SPINK13: variants seen among roughly 807,000 people sequenced by gnomAD.
SPINK13 encodes serine peptidase inhibitor Kazal type 13, also known as serine protease inhibitor Kazal-type 13.
SPINK13 carries 11 observed loss-of-function variants against 11.0 expected under a neutral mutation model. The observed-to-expected ratio is 1.00, with a 90% CI of 0.63 to 1.65. The LOEUF (loss-of-function observed/expected upper bound fraction) is 1.65, where lower values mean the gene tolerates loss of function less well. SPINK13 is among the 40% of genes most tolerant of loss of function. The pLI, the probability that SPINK13 is intolerant of heterozygous loss-of-function variation, is 0.00. For synonymous variants in SPINK13, 31 were observed against 35.6 expected (o/e 0.87, Z 0.46); for missense variants, 113 against 117.7 (o/e 0.96, Z 0.19).
chr5:148,274,608 G>A (rs1363244461), intron 3 of SPINK13, among the ~76,000 whole-genome samples: 1 of 152,152 alleles, frequency 6.6e-6, no homozygotes, highest in Non-Finnish European at 1.5e-5. Context: ...TTAGCCAGGT[G>A]TGGTGGGGCA....
rs554416659 is a variant in SPINK13, at chr5:148,286,017, T to C, written c.254T>C (p.Ile85Thr). ...CVEQREFHYR[I>T]KFEKYGKCD ...CTCTTTAGGGAATTTCATTATCGTA[T>C]AAAATTTGAAAAATATGGAAAATGT... The change falls in exon 5 of 5, where the codon ATA (isoleucine) becomes ACA (threonine). Residue 85 changes from isoleucine to threonine, a missense_variant. Coordinates refer to ENST00000398450, the MANE Select transcript of SPINK13 (RefSeq NM_001040129.3). The C allele has an allele frequency of 2.2e-5, 32 of 1,470,272 alleles. 1 individual carries two copies. In the South Asian group the frequency reaches 3.6e-4, roughly 17 times the overall value. The allele number at this position is 1,470,272 out of a possible 1,614,324, so 91.1% of individuals were successfully genotyped here.
chr5:148,280,856 G>T (rs961183859), intron 3 of SPINK13, among the ~76,000 whole-genome samples: 2 of 152,188 alleles, frequency 1.3e-5, no homozygotes, highest in East Asian at 1.9e-4. Flanking sequence ...AGGCAGGAAC[G>T]TTTAAGTCTG....
rs375222774 is a variant in SPINK13 at position 148,277,073 on chromosome 5, T to C, written c.108+2689T>C. Reference sequence around the variant, plus strand: ...GGAGTTCACTCATGATTTGGCTCTCTGTTTGCCTATTATTGGTGTATAGGA... The same window carrying C: ...GGAGTTCACTCATGATTTGGCTCTCCGTTTGCCTATTATTGGTGTATAGGA... On this transcript the variant is annotated intron_variant, in intron 3 of 4. Transcript: ENST00000398450. 4.6e-5 allele frequency among the ~76,000 whole-genome samples: 7 copies of C among 152,334 alleles called. No individual in the cohort carries two copies. In the South Asian group the frequency reaches 1.0e-3, roughly 23 times the overall value.
At chr5:148,282,349 C>A (rs1756529179) in intron 4 of SPINK13, 118 bp downstream of exon 4, 1 of 1,250,380 alleles carries the variant, frequency 8.0e-7, no homozygotes, top group Non-Finnish European at 1.1e-6. Flanking sequence ...AAAATAGCCT[C>A]ATTATTTACA....
chr5:148,271,562 A>G (rs773683710), intron 2 of SPINK13, among the ~76,000 whole-genome samples: 17 of 152,128 alleles, frequency 1.1e-4, no homozygotes, highest in Non-Finnish European at 2.2e-4. Flanking sequence ...TCTTTTATTT[A>G]TACACATCAT....
chr5:148,270,110 T>C lies in SPINK13; in HGVS notation c.38T>C (p.Val13Ala), dbSNP rs911200634. ...CCCCACAAGATTATATTTTTCCTGGTATGCTCTACTTTGACACATGTGGCT... is the reference window on the plus strand; with the variant it reads ...CCCCACAAGATTATATTTTTCCTGGCATGCTCTACTTTGACACATGTGGCT... ...AFPHKIIFFL[V>A]CSTLTHVAFS... The change falls in exon 2 of 5, where the codon GTA becomes GCA. Residue 13 changes from valine (V) to alanine (A), a missense_variant. Val to Ala is a moderately conservative substitution (Grantham distance 64, BLOSUM62 0). Transcript: ENST00000398450. The C allele has an allele frequency of 6.2e-7, 1 of 1,614,124 alleles. No homozygotes were observed. Among genetic ancestry groups the C allele is most frequent in the African/African-American group, 1.3e-5 (1 of 75,064 alleles).
chr5:148,285,600 A>C (rs1296755305), intron 4 of SPINK13, among the ~76,000 whole-genome samples: 1 of 152,208 alleles, frequency 6.6e-6, no homozygotes, highest in East Asian at 1.9e-4. Context: ...AATAGACTAC[A>C]ATCAATGGAC....
chr5:148,270,374 A>G (rs1024013002), intron 2 of SPINK13, among the ~76,000 whole-genome samples: 6 of 152,194 alleles, frequency 3.9e-5, no homozygotes, highest in Non-Finnish European at 7.3e-5. Context: ...GAAATCCTCT[A>G]GAGCAGAGAA....
chr5:148,282,296 A>G lies in SPINK13; in HGVS notation c.236+65A>G, dbSNP rs942391788. The G allele has an allele frequency of 2.5e-6, 4 of 1,591,242 alleles. No individual in the cohort carries two copies. In the African/African-American group the frequency reaches 4.1e-5, roughly 16 times the overall value. On this transcript the variant is annotated intron_variant, in intron 4 of 4. Coordinates refer to ENST00000398450, the MANE Select transcript of SPINK13 (RefSeq NM_001040129.3). ...TTCTTCACAGAAATTTCAAAGAAAC[A>G]TAGTCAAGGAATTGGGTTTTACTGA...
chr5:148,278,871 T>C (rs2113370849), intron 3 of SPINK13, among the ~76,000 whole-genome samples: 1 of 152,306 alleles, frequency 6.6e-6, no homozygotes, highest in Non-Finnish European at 1.5e-5. Context: ...GGTGTTAAAG[T>C]CTTCCACTAT....
At chr5:148,273,390 TA>T (rs1444409390) in intron 2 of SPINK13, among the ~76,000 whole-genome samples, 6 of 152,268 alleles carry the variant, frequency 3.9e-5, no homozygotes, top group South Asian at 2.1e-4. Flanking sequence ...TGTATAGTTT[TA>T]TTTTTTTATG....
At chr5:148,275,790 A>G (rs1756418460) in intron 3 of SPINK13, among the ~76,000 whole-genome samples, 1 of 151,782 alleles carries the variant, frequency 6.6e-6, no homozygotes, top group Non-Finnish European at 1.5e-5. Context: ...CCTCCCGAGT[A>G]GCTGGGACTA....
chr5:148,276,650 G>T (rs1037420487), intron 3 of SPINK13, among the ~76,000 whole-genome samples: 2 of 151,464 alleles, frequency 1.3e-5, no homozygotes, highest in Non-Finnish European at 3.0e-5. Context: ...CTGTTCCATT[G>T]GTCTATACAG....
At chr5:148,278,586 G>T (rs1028884659) in intron 3 of SPINK13, among the ~76,000 whole-genome samples, 2 of 152,218 alleles carry the variant, frequency 1.3e-5, no homozygotes, top group Non-Finnish European at 2.9e-5. Context: ...AGTTTTGAGT[G>T]AGTTTCTTAA....
chr5:148,281,029 G>A (rs1337176112), intron 3 of SPINK13, among the ~76,000 whole-genome samples: 1 of 152,176 alleles, frequency 6.6e-6, no homozygotes, highest in South Asian at 2.1e-4. Flanking sequence ...CAGCTTTGCT[G>A]AGCTGCAGTG....
At chr5:148,281,092 A>C (rs1756506509) in intron 3 of SPINK13, among the ~76,000 whole-genome samples, 3 of 152,094 alleles carry the variant, frequency 2.0e-5, no homozygotes, top group African/African-American at 7.2e-5. Flanking sequence ...GTGAGGGGAA[A>C]ACCACCTACT....
At chr5:148,273,543 T>G (rs1756380643) in intron 2 of SPINK13, among the ~76,000 whole-genome samples, 1 of 152,208 alleles carries the variant, frequency 6.6e-6, no homozygotes, top group Admixed American at 6.5e-5. Context: ...ATAAAAATAT[T>G]CTGACCTTTC....
intron 3 of SPINK13, among the ~76,000 whole-genome samples, chr5:148,279,198 G>A (rs1756477244): frequency 6.8e-6 from 1 of 145,992 alleles, no homozygotes; most frequent in African/African-American, 2.5e-5. Flanking sequence ...TGGGTCTCCT[G>A]GATACAGCAC....
At chr5:148,284,678 T>C (rs10062521) in intron 4 of SPINK13, among the ~76,000 whole-genome samples, 3,107 of 152,300 alleles carry the variant, frequency 0.02, 111 homozygotes, top group African/African-American at 0.07. Context: ...AGAAGGGTAA[T>C]TCCTTGGTCT....
Sources: allele counts gnomAD v4.1 joint callset (sites outside exome capture counted in the v4.1 genomes callset), GRCh38; gene constraint gnomAD v4.1.1; transcripts MANE v1.5; gene names NCBI Gene and HGNC (gene_info 2026-07-23, HGNC 2026-07-21).